The following DRC7 variants were observed in gnomAD, a reference collection of about 807,000 sequenced individuals.
DRC7 encodes coiled-coil domain containing 135.
In DRC7, 80 loss-of-function variants were observed where a neutral mutation model predicts 104.4. That is an observed-to-expected ratio of 0.77 (90% confidence interval 0.64 to 0.92). The LOEUF (loss-of-function observed/expected upper bound fraction) is 0.92. Ranked by LOEUF, DRC7 falls within the 40% of genes least tolerant of loss-of-function variation. DRC7 has a pLI of 0.00. For missense variants in DRC7, 1,034 were observed against 1,141.1 expected (o/e 0.91, Z 1.35); for synonymous variants, 405 against 447.3 (o/e 0.91, Z 1.19).
chr16:57,731,049 T>A lies in DRC7; in HGVS notation c.2510T>A (p.Ile837Asn). Reference protein sequence around the residue: ...YCSQAMFRIRILEQRLNRHKE... With the variant: ...YCSQAMFRIRNLEQRLNRHKE... The stretch of plus-strand genomic sequence containing the variant: ...TCTCAGGCCATGTTCCGCATCCGCA[T>A]CCTGGAGCAGCGCCTCAATCGGTGA... The change falls in exon 18 of 19, where the codon ATC becomes AAC. Residue 837 changes from isoleucine (I) to asparagine (N), a missense_variant. Coordinates refer to ENST00000360716, the MANE Select transcript of DRC7 (RefSeq NM_001289162.2). The A allele has an allele frequency of 3.7e-6, 6 of 1,613,720 alleles. No individual in the cohort carries two copies. The highest frequency in any genetic ancestry group is 5.1e-6 in the Non-Finnish European group (6 of 1,179,970).
intron 13 of DRC7, among the ~76,000 whole-genome samples, chr16:57,725,099 T>TA (rs2048948220): frequency 6.6e-6 from 1 of 152,138 alleles, no homozygotes; most frequent in South Asian, 2.1e-4. Flanking sequence ...TTAGGAAACT[T>TA]AAAATCATGG....
chr16:57,711,282 A>C (rs1307488709), intron 8 of DRC7, among the ~76,000 whole-genome samples: 1 of 152,232 alleles, frequency 6.6e-6, no homozygotes, highest in Non-Finnish European at 1.5e-5. Flanking sequence ...TAATATGTTA[A>C]AGTCTTTAGT....
At position 57,718,337 on chromosome 16, in the gene DRC7, T is replaced by A. The variant is rs1328537711; in HGVS notation, c.1078-10T>A. The A allele has an allele frequency of 6.2e-7, 1 of 1,613,252 alleles. No individual in the cohort carries two copies. The highest frequency in any genetic ancestry group is 8.5e-7 in the Non-Finnish European group (1 of 1,179,550). On this transcript the variant is annotated splice_polypyrimidine_tract_variant and intron_variant, in intron 8 of 18. Transcript: ENST00000360716. ...GGGTACACTCAGTTGACTGCCCTCA[T>A]CCCCAACAGGACTTGATCTTTGACC...
chr16:57,712,719 G>A (rs1311299612), intron 8 of DRC7, among the ~76,000 whole-genome samples: 1 of 151,890 alleles, frequency 6.6e-6, no homozygotes, highest in Non-Finnish European at 1.5e-5. Flanking sequence ...CCAGGCTGGA[G>A]TGCAATGGCG....
At chr16:57,710,287 A>AT (rs2048779574) in intron 8 of DRC7, among the ~76,000 whole-genome samples, 1 of 152,118 alleles carries the variant, frequency 6.6e-6, no homozygotes, top group South Asian at 2.1e-4. Context: ...TGATGCTATG[A>AT]TTTTTTTAAA....
Position 57,724,785 on chromosome 16 carries a change from G to A in DRC7, c.1708G>A (p.Val570Ile), listed in dbSNP as rs1371203653. 2 of 1,613,656 alleles carry A rather than the reference G, an allele frequency of 1.2e-6. No individual in the cohort carries two copies. The highest frequency in any genetic ancestry group is 1.7e-6 in the Non-Finnish European group (2 of 1,180,014). The change falls in exon 13 of 19, where the codon GTC becomes ATC. Residue 570 changes from valine to isoleucine, a missense_variant. Coordinates refer to ENST00000360716, the MANE Select transcript of DRC7 (RefSeq NM_001289162.2). The stretch of plus-strand genomic sequence containing the variant: ...CCGCCATGCCAGCTTCGGACCCCGA[G>A]TCAAGAAGCTCACTCTGAGCAGTGC... ...SYRHASFGPR[V>I]KKLTLSSAES...
At chr16:57,712,404 C>G (rs1228208760) in intron 8 of DRC7, among the ~76,000 whole-genome samples, 1 of 152,114 alleles carries the variant, frequency 6.6e-6, no homozygotes, top group African/African-American at 2.4e-5. Flanking sequence ...TGCCTTGGCC[C>G]CGTTTTAGCT....
chr16:57,730,419 AG>A (rs2049048168), intron 17 of DRC7, among the ~76,000 whole-genome samples: 1 of 151,788 alleles, frequency 6.6e-6, no homozygotes, highest in Non-Finnish European at 1.5e-5. Flanking sequence ...ATGGATGGGC[AG>A]GGATGGGTGG....
Position 57,721,044 on chromosome 16 carries a change from G to C in DRC7, c.1207-623G>C, listed in dbSNP as rs2965773. Among the ~76,000 whole-genome samples the C allele has an allele frequency of 2.0e-5, 3 of 151,906 alleles. No homozygotes were observed. The East Asian group carries it at 5.8e-4, about 30-fold the overall frequency. ...GAGACACCACCCTCCTCCCCCGGCCGTCTCTACTAAAAATACAAAAATCAA... is the reference window on the plus strand; with the variant it reads ...GAGACACCACCCTCCTCCCCCGGCCCTCTCTACTAAAAATACAAAAATCAA... On this transcript the variant is annotated intron_variant, in intron 9 of 18. Coordinates refer to ENST00000360716, the MANE Select transcript of DRC7 (RefSeq NM_001289162.2).
At chr16:57,702,242 G>A (rs2048668214) in intron 6 of DRC7, 112 bp downstream of exon 6, 5 of 1,076,452 alleles carry the variant, frequency 4.6e-6, no homozygotes, top group Admixed American at 4.4e-5. Context: ...CCCTGGCCAC[G>A]CGGACACAGA....
At chr16:57,724,465 C>T in intron 12 of DRC7, 150 bp from the exon 13 acceptor site, 1 of 554,414 alleles carries the variant, frequency 1.8e-6, no homozygotes, top group Non-Finnish European at 3.2e-6. Context: ...GCAACCTAAA[C>T]ACCCAGCAAT....
intron 5 of DRC7, among the ~76,000 whole-genome samples, chr16:57,700,943 T>C (rs1812793307): frequency 6.6e-6 from 1 of 152,170 alleles, no homozygotes; most frequent in African/African-American, 2.4e-5. Flanking sequence ...CACAATGCAT[T>C]GCAATCCTAG....
intron 7 of DRC7, 116 bp downstream of exon 7, chr16:57,705,150 A>G (rs2048698966): frequency 8.4e-7 from 1 of 1,194,502 alleles, no homozygotes; most frequent in Non-Finnish European, 1.1e-6. Flanking sequence ...AACTAGGTCC[A>G]CCTCACAATC....
intron 12 of DRC7, among the ~76,000 whole-genome samples, chr16:57,723,661 G>A (rs1188621253): frequency 1.3e-5 from 2 of 151,876 alleles, no homozygotes; most frequent in Non-Finnish European, 2.9e-5. Context: ...CCAGGAGGTC[G>A]AGGCTGCAGT....
chr16:57,726,658 C>T (rs1351695928), intron 14 of DRC7, 174 bp from the exon 15 acceptor site: 11 of 565,156 alleles, frequency 1.9e-5, no homozygotes, highest in Non-Finnish European at 2.8e-5. Flanking sequence ...GTCTTCAGTT[C>T]CTCTTTTATT....
rs1407440659 is a variant in DRC7 at position 57,700,185 on chromosome 16, A to G, written c.419A>G (p.Tyr140Cys). The G allele has an allele frequency of 1.2e-6, 2 of 1,611,746 alleles. No individual in the cohort carries two copies. The highest frequency in any genetic ancestry group is 1.1e-5 in the South Asian group (1 of 90,920). The change falls in exon 5 of 19, where the codon TAC becomes TGC. Residue 140 changes from tyrosine to cysteine, a missense_variant. By Grantham distance (194) the Tyr-to-Cys change is radical (BLOSUM62 -2). Coordinates refer to ENST00000360716, the MANE Select transcript of DRC7 (RefSeq NM_001289162.2). The stretch of plus-strand genomic sequence containing the variant: ...ACCCTCCGGCCCACACTGATGCCCT[A>G]CCCCGAGCTCTACAACTGGGACAGC... ...STTLRPTLMP[Y>C]PELYNWDSCA... is the part of the protein sequence containing the mutation.
chr16:57,731,490 C>G lies in DRC7; in HGVS notation c.*232C>G. 3 of 566,312 alleles carry G rather than the reference C, an allele frequency of 5.3e-6. No homozygotes were observed. Among genetic ancestry groups the G allele is most frequent in the Non-Finnish European group, 6.3e-6 (2 of 317,782 alleles). 35.1% of individuals were successfully genotyped at this position (566,312 alleles called of 1,614,324 possible). A position where few individuals can be genotyped will look rare whatever the true frequency, so the allele number is the denominator to read the frequency against. On this transcript the variant is annotated 3_prime_UTR_variant, in exon 19 of 19. Transcript: ENST00000360716. ...TGCGCTTCACAAGCTCCAGCAGCAGCCTTTCTCTTCTTCTGTTATCTATAG... is the reference window on the plus strand; with the variant it reads ...TGCGCTTCACAAGCTCCAGCAGCAGGCTTTCTCTTCTTCTGTTATCTATAG...
rs1279443916 is a variant in DRC7, at chr16:57,727,422, C to A, written c.2196+13C>A. ...TCGGGAGGCCATGGTCAGTCCCAATCCCTTCTCCAGGCCCCAGCTTTTCCT... is the reference window on the plus strand; with the variant it reads ...TCGGGAGGCCATGGTCAGTCCCAATACCTTCTCCAGGCCCCAGCTTTTCCT... On this transcript the variant is annotated intron_variant, in intron 16 of 18. Transcript: ENST00000360716. The A allele has an allele frequency of 1.9e-6, 3 of 1,593,922 alleles. No homozygotes were observed. The highest frequency in any genetic ancestry group is 2.6e-6 in the Non-Finnish European group (3 of 1,162,306).
Position 57,694,826 on chromosome 16 carries a change from C to CAG in DRC7, c.-194_-193dup, listed in dbSNP as rs2048574926. 6.6e-6 allele frequency: 1 copy of CAG among 152,188 alleles called. No homozygotes were observed. Among genetic ancestry groups the CAG allele is most frequent in the Non-Finnish European group, 1.5e-5 (1 of 68,056 alleles). 9.4% of individuals were successfully genotyped at this position (152,188 alleles called of 1,614,324 possible). A position where few individuals can be genotyped will look rare whatever the true frequency, so the allele number is the denominator to read the frequency against. On this transcript the variant is annotated 5_prime_UTR_variant, in exon 1 of 19. An upstream open reading frame in the 5' UTR loses its in-frame stop. Coordinates refer to ENST00000360716, the MANE Select transcript of DRC7 (RefSeq NM_001289162.2). Reference sequence around the variant, plus strand: ...AGGTTGTTACCATGGAGATGGCTAACAGCTAGAGCAGGCTGTCCTCGGAGG... The same window carrying CAG: ...AGGTTGTTACCATGGAGATGGCTAACAGAGCTAGAGCAGGCTGTCCTCGGAGG...
Sources: gnomAD v4.1 joint callset for allele counts (sites outside exome capture counted in the v4.1 genomes callset) on GRCh38, gnomAD v4.1.1 for gene constraint, MANE v1.5 for transcripts, NCBI Gene and HGNC (gene_info 2026-07-23, HGNC 2026-07-21) for gene names.